Variants in PRAME observed in about 807,000 individuals in gnomAD.
PRAME encodes PRAME nuclear receptor transcriptional regulator.
In PRAME, 21 loss-of-function variants were observed where a neutral mutation model predicts 32.1. That is an observed-to-expected ratio of 0.65 (90% CI 0.46 to 0.94). The LOEUF (loss-of-function observed/expected upper bound fraction) is 0.94. Ranked by LOEUF, PRAME falls within the 40% of genes least tolerant of loss-of-function variation. PRAME has a pLI of 0.00. For missense variants in PRAME, 651 were observed against 622.3 expected (o/e 1.05, Z -0.49); for synonymous variants, 274 against 251.5 (o/e 1.09, Z -0.85).
Position 22,550,297 on chromosome 22 carries a change from A to C in PRAME, c.382T>G (p.Ser128Ala), listed in dbSNP as rs760497342. 6.2e-7 allele frequency: 1 copy of C among 1,613,214 alleles called. No individual in the cohort carries two copies. The highest frequency in any genetic ancestry group is 1.7e-5 in the Admixed American group (1 of 59,868). Residue 128 changes from serine (S) to alanine (A), a missense_variant, in exon 5 of 6, where the codon TCT becomes GCT. Transcript: ENST00000405655. ...CATACAGTCCAGAAGTCCTGATGAG[A>C]GTTCTTCCGTAAATCCAGCACTTGA... The part of the protein sequence containing the change: ...KLQVLDLRKN[S>A]HQDFWTVWSG...
chr22:22,549,502 G>A lies in PRAME; in HGVS notation c.953+224C>T, dbSNP rs58447201. ...TCCCATTACAGAGTTTTCTAACAAG[G>A]AGTCACTGTTAATAGCATCTATCCT... On this transcript the variant is annotated intron_variant, in intron 5 of 5. Transcript: ENST00000405655. 3.8e-3 allele frequency among the ~76,000 whole-genome samples: 571 copies of A among 151,942 alleles called. 4 individuals are homozygous for A. Among genetic ancestry groups the A allele is most frequent in the African/African-American group, 0.013 (548 of 41,448 alleles).
chr22:22,550,650 C>T, intron 4 of PRAME, 117 bp downstream of exon 4: 4 of 1,240,794 alleles, frequency 3.2e-6, no homozygotes, highest in Non-Finnish European at 4.5e-6. Flanking sequence ...CCTGAACTTC[C>T]TTGCTGGCAA....
Position 22,550,952 on chromosome 22 carries a change from G to C in PRAME, c.159C>G (p.Phe53Leu), listed in dbSNP as rs2062530749. 2 of 1,613,632 alleles carry C rather than the reference G, an allele frequency of 1.2e-6. No individual in the cohort carries two copies. The highest frequency in any genetic ancestry group is 1.7e-5 in the Admixed American group (1 of 59,980). Residue 53 changes from phenylalanine to leucine, a missense_variant, in exon 4 of 6, where the codon TTC becomes TTG. Coordinates refer to ENST00000405655, the MANE Select transcript of PRAME (RefSeq NM_206956.3). ...AALELLPREL[F>L]PPLFMAAFDG... ...CAAAGGCTGCCATGAAGAGTGGCGG[G>C]AAGAGCTCCCTGGGCAGCAACTCCA...
Position 22,552,960 on chromosome 22 carries a change from G to A in PRAME, c.22-1871C>T, listed in dbSNP as rs758152153. 5.5e-5 allele frequency: 26 copies of A among 470,558 alleles called. No individual in the cohort carries two copies. The East Asian group carries it at 1.2e-3, about 21-fold the overall frequency. The allele number at this position is 470,558 out of a possible 1,614,324, so 29.1% of individuals were successfully genotyped here. A position where few individuals can be genotyped will look rare whatever the true frequency, so the allele number is the denominator to read the frequency against. ...CCCCTTTCAACTCCACGCTGCCAAC[G>A]GAAGAGCCAAATCTAATTACATTCC... On this transcript the variant is annotated intron_variant, in intron 3 of 5. Transcript: ENST00000405655.
rs2062960397 is a variant in PRAME at position 22,556,905 on chromosome 22, C to T, written c.-73G>A. 6.4e-7 allele frequency: 1 copy of T among 1,551,298 alleles called. No individual in the cohort carries two copies. Among genetic ancestry groups the T allele is most frequent in the African/African-American group, 1.4e-5 (1 of 73,624 alleles). ...TAGGTCTCAGTCACTTGTTGCCACG[C>T]ACGTCTGAGAGTAATAATCAAAATG... On this transcript the variant is annotated 5_prime_UTR_variant, in exon 3 of 6. Coordinates refer to ENST00000405655, the MANE Select transcript of PRAME (RefSeq NM_206956.3).
rs116509319 is a variant in PRAME at position 22,552,931 on chromosome 22, A to G, written c.22-1842T>C. 2,165 of 470,552 alleles carry G rather than the reference A, an allele frequency of 4.6e-3. 42 individuals carry two copies. The highest frequency in any genetic ancestry group is 0.037 in the African/African-American group (1,844 of 50,014). The allele number at this position is 470,552 out of a possible 1,614,324, so 29.1% of individuals were successfully genotyped here. ...AGCTATTACAGGCCTTTCTGGGCAT[A>G]CCTCCCCTTTCAACTCCACGCTGCC... On this transcript the variant is annotated intron_variant, in intron 3 of 5. Coordinates refer to ENST00000405655, the MANE Select transcript of PRAME (RefSeq NM_206956.3).
At chr22:22,555,442 TG>T (rs1316193710) in intron 3 of PRAME, among the ~76,000 whole-genome samples, 2 of 151,958 alleles carry the variant, frequency 1.3e-5, no homozygotes, top group African/African-American at 2.4e-5. Flanking sequence ...TTCACCATGT[TG>T]GCCAGGCTGG....
chr22:22,557,490 GC>G (rs2063000814), intron 2 of PRAME, 54 bp downstream of exon 2: 1 of 153,610 alleles, frequency 6.5e-6, no homozygotes, highest in Admixed American at 6.4e-5. Flanking sequence ...GGTGCTGGGG[GC>G]ACAAGCCCAA....
Position 22,548,725 on chromosome 22 carries a change from C to A in PRAME, c.954-82G>T. On this transcript the variant is annotated intron_variant, in intron 5 of 5. Transcript: ENST00000405655. ...TGGAGAGAGGCCCATTTCACCAAAA[C>A]CCAAAGTCTTCCTGATGATGGTTAA... 7 of 1,294,634 alleles carry A rather than the reference C, an allele frequency of 5.4e-6. 1 individual carries two copies. In the South Asian group the frequency reaches 9.7e-5, roughly 18 times the overall value. 80.2% of individuals were successfully genotyped at this position (1,294,634 alleles called of 1,614,324 possible).
At chr22:22,556,145 G>T (rs957933428) in intron 3 of PRAME, among the ~76,000 whole-genome samples, 3 of 151,210 alleles carry the variant, frequency 2.0e-5, no homozygotes, top group African/African-American at 7.3e-5. Flanking sequence ...GACTACAGAT[G>T]TGGGCCACCA....
rs766490297 is a variant in PRAME at position 22,556,838 on chromosome 22, A to T, written c.-6T>A. 2.5e-6 allele frequency: 4 copies of T among 1,612,848 alleles called. No individual in the cohort carries two copies. In the African/African-American group the frequency reaches 4.0e-5, roughly 16 times the overall value. ...CACAAACGCCTTCGTTCCATTTTGA[A>T]GCGACTTAGGCTGGCCTCAGGACCT... is the stretch of plus-strand genomic sequence containing the variant. On this transcript the variant is annotated 5_prime_UTR_variant, in exon 3 of 6. Transcript: ENST00000405655.
chr22:22,552,477 G>C (rs2062646186), intron 3 of PRAME, among the ~76,000 whole-genome samples: 1 of 150,328 alleles, frequency 6.7e-6, no homozygotes, highest in South Asian at 2.1e-4. Flanking sequence ...AAAATGTTTG[G>C]GATTCAATAT....
intron 3 of PRAME, among the ~76,000 whole-genome samples, chr22:22,553,123 T>C (rs1459940295): frequency 1.3e-5 from 2 of 151,930 alleles, no homozygotes; most frequent in Admixed American, 6.6e-5. Flanking sequence ...GGGGAATTTT[T>C]GGCCACATCA....
chr22:22,557,866 A>C (rs2063040586), intron 1 of PRAME: 1 of 6,088 alleles, frequency 1.6e-4, no homozygotes, highest in African/African-American at 1.0e-3. Context: ...AGGAAGTTGG[A>C]GAGCAGAGGA....
chr22:22,548,161 A>T lies in PRAME; in HGVS notation c.1436T>A (p.Met479Lys), dbSNP rs950907398. 1 of 1,613,744 alleles carries T rather than the reference A, an allele frequency of 6.2e-7. No homozygotes were observed. The highest frequency in any genetic ancestry group is 8.5e-7 in the Non-Finnish European group (1 of 1,179,962). The change falls in exon 6 of 6, where the codon ATG becomes AAG. Residue 479 changes from methionine (M) to lysine (K), a missense_variant. By Grantham distance (95) the Met-to-Lys change is moderately conservative. Transcript: ENST00000405655. ...ELLCELGRPS[M>K]VWLSANPCPH... ...ACAGGGGTTGGCACTAAGCCAGACC[A>T]TGCTGGGCCGCCCCAACTCACACAG...
Position 22,559,226 on chromosome 22 carries a change from G to A in PRAME, c.-369C>T. 3 of 308,766 alleles carry A rather than the reference G, an allele frequency of 9.7e-6. No homozygotes were observed. Among genetic ancestry groups the A allele is most frequent in the South Asian group, 5.6e-5 (2 of 35,854 alleles). 19.1% of individuals were successfully genotyped at this position (308,766 alleles called of 1,614,324 possible). ...GGGTGGGGTGTCCCGGAGCGGTGCT[G>A]AGGCGCTGCAGGCCCGGCTTCTGGC... On this transcript the variant is annotated 5_prime_UTR_variant, in exon 1 of 6. Coordinates refer to ENST00000405655, the MANE Select transcript of PRAME (RefSeq NM_206956.3).
chr22:22,550,760 C>T lies in PRAME; in HGVS notation c.344+7G>A, dbSNP rs1569219279. On this transcript the variant is annotated splice_region_variant and intron_variant, in intron 4 of 5. Coordinates refer to ENST00000405655, the MANE Select transcript of PRAME (RefSeq NM_206956.3). Reference sequence around the variant, plus strand: ...GGCCCCACACCAAGCTGCTAGGTCACCCTTACCTGGGGCGAACCTCCTGGG... The same window carrying T: ...GGCCCCACACCAAGCTGCTAGGTCATCCTTACCTGGGGCGAACCTCCTGGG... 6.4e-7 allele frequency: 1 copy of T among 1,569,712 alleles called. No individual in the cohort carries two copies. Among genetic ancestry groups the T allele is most frequent in the Middle Eastern group, 1.7e-4 (1 of 5,818 alleles).
chr22:22,556,740 G>A (rs1412742781), intron 3 of PRAME, 72 bp downstream of exon 3: 15 of 1,581,322 alleles, frequency 9.5e-6, no homozygotes, highest in Non-Finnish European at 1.3e-5. Context: ...GCTCCCATCT[G>A]GCTCGAGTGA....
chr22:22,548,609 T>C lies in PRAME; in HGVS notation c.988A>G (p.Thr330Ala). 6.2e-7 allele frequency: 1 copy of C among 1,607,686 alleles called. No individual in the cohort carries two copies. The highest frequency in any genetic ancestry group is 1.1e-5 in the South Asian group (1 of 91,002). The change falls in exon 6 of 6, where the codon ACT becomes GCT. Residue 330 changes from threonine (T) to alanine (A), a missense_variant. Transcript: ENST00000405655. ...TCCCCTTCCGAAAGCCGGCAGTTAG[T>C]TATTGAGAGGGTTTCCAAGGGGTTC... ...VMNPLETLSI[T>A]NCRLSEGDVM...
Sources: gnomAD v4.1 joint callset for allele counts (sites outside exome capture counted in the v4.1 genomes callset) on GRCh38, gnomAD v4.1.1 for gene constraint, MANE v1.5 for transcripts, NCBI Gene and HGNC (gene_info 2026-07-23, HGNC 2026-07-21) for gene names.